Variants in UBR4 observed in about 807,000 individuals in gnomAD.
UBR4 encodes E3 ubiquitin-protein ligase UBR4.
UBR4 carries 124 observed loss-of-function variants against 575.6 expected under a neutral mutation model. The ratio of observed to expected loss-of-function variants is 0.22; its 90% CI spans 0.19 to 0.25. The LOEUF is 0.25. Among genes scored for constraint, UBR4 ranks in the 10% least tolerant of loss-of-function variants. The pLI is 1.00. For missense variants in UBR4, 4,818 were observed against 6,478.8 expected, an observed-to-expected ratio of 0.74 and a Z score of 8.80; for synonymous variants, 2,455 against 2,473.7, an observed-to-expected ratio of 0.99 and a Z score of 0.22.
intron 37 of UBR4, among the ~76,000 whole-genome samples, 179 bp from the exon 38 acceptor site, chr1:19,161,326 C>T (rs2087323333): frequency 6.6e-6 from 1 of 152,240 alleles, no homozygotes; most frequent in African/African-American, 2.4e-5. Flanking sequence ...TCTTTACCCA[C>T]TCACAGTATC....
At chr1:19,154,029 CG>C in intron 44 of UBR4, 90 bp from the exon 45 acceptor site, 1 of 1,433,568 alleles carries the variant, frequency 7.0e-7, no homozygotes, top group Non-Finnish European at 9.5e-7. Context: ...TAACTGGCTA[CG>C]TGACTCCAAA....
At chr1:19,161,560 C>G (rs761574740) in intron 37 of UBR4, 29 bp downstream of exon 37, 52 of 1,561,014 alleles carry the variant, frequency 3.3e-5, no homozygotes, top group Non-Finnish European at 4.4e-5. Context: ...AACAAGCCAC[C>G]CTTTATAGCT....
At chr1:19,113,924 C>T in intron 76 of UBR4, 21 bp downstream of exon 76, 2 of 1,614,204 alleles carry the variant, frequency 1.2e-6, no homozygotes, top group Non-Finnish European at 1.7e-6. Flanking sequence ...TATCCAAATG[C>T]CCTTTGCAGC....
rs754460714 is a variant in UBR4 at position 19,124,501 on chromosome 1, C to A, written c.9588+40G>T. 2.2e-5 allele frequency: 36 copies of A among 1,609,528 alleles called. No individual in the cohort carries two copies. The East Asian group carries it at 7.1e-4, about 32-fold the overall frequency. On this transcript the variant is annotated intron_variant, in intron 65 of 105. Transcript: ENST00000375254. ...CCCACAGAGGTGAATGCAGATGTGT[C>A]CTCAGCCCAACAAGCATGCAGCTTG... is the stretch of plus-strand genomic sequence containing the variant.
At position 19,146,992 on chromosome 1, in the gene UBR4, G is replaced by C. The variant is rs541537239; in HGVS notation, c.7638C>G (p.Ala2546=). ...RSAYHSHKDQ[A]LLSKAVQCLN... ...GACACTGCACAGCTTTGCTCAGCAA[G>C]GCCTGATCCTGTAAAACAACAGGAG... Residue 2546 remains alanine, a synonymous_variant, in exon 52 of 106, where the codon GCC becomes GCG. Coordinates refer to ENST00000375254, the MANE Select transcript of UBR4 (RefSeq NM_020765.3). 52 of 1,598,400 alleles carry C rather than the reference G, an allele frequency of 3.3e-5. No homozygotes were observed. Among genetic ancestry groups the C allele is most frequent in the East Asian group, 4.5e-5 (2 of 44,366 alleles).
At chr1:19,108,938 G>T (rs4912048) in intron 81 of UBR4, among the ~76,000 whole-genome samples, 101,531 of 151,960 alleles carry the variant, frequency 0.67, 34,710 homozygotes, top group East Asian at 0.81. Flanking sequence ...GTGGAAACAA[G>T]GATGGTCATA....
Position 19,093,619 on chromosome 1 carries a change from T to A in UBR4, c.13938-133A>T. The A allele has an allele frequency of 1.0e-6, 1 of 993,356 alleles. No homozygotes were observed. The highest frequency in any genetic ancestry group is 1.5e-6 in the Non-Finnish European group (1 of 685,366). The allele number at this position is 993,356 out of a possible 1,614,324, so 61.5% of individuals were successfully genotyped here. A position where few individuals can be genotyped will look rare whatever the true frequency, so the allele number is the denominator to read the frequency against. Reference sequence around the variant, plus strand: ...TTCCCTAACGTGACACAAAGACCTATCTGCCCCGGCTCCTGCCACTCTCCC... The same window carrying A: ...TTCCCTAACGTGACACAAAGACCTAACTGCCCCGGCTCCTGCCACTCTCCC... On this transcript the variant is annotated intron_variant, in intron 95 of 105. Coordinates refer to ENST00000375254, the MANE Select transcript of UBR4 (RefSeq NM_020765.3). The surrounding 1 kb of genome is among the most constrained non-coding windows in gnomAD (Gnocchi z 4.8).
At chr1:19,197,360 G>A in intron 7 of UBR4, 95 bp from the exon 8 acceptor site, 1 of 1,531,592 alleles carries the variant, frequency 6.5e-7, no homozygotes, top group African/African-American at 1.4e-5. Flanking sequence ...CCGGCACAGT[G>A]GCTCACGCCT....
intron 8 of UBR4, among the ~76,000 whole-genome samples, chr1:19,195,159 G>T (rs933851065): frequency 2.6e-5 from 4 of 151,410 alleles, no homozygotes; most frequent in African/African-American, 9.7e-5. Context: ...CAGCTACAAG[G>T]GAGGCTGAGG....
In UBR4 at chr1:19,161,010, G is replaced by C. The variant is rs1413180109; in HGVS notation, c.5313C>G (p.Thr1771=). 1 of 1,614,016 alleles carries C rather than the reference G, an allele frequency of 6.2e-7. No homozygotes were observed. Among genetic ancestry groups the C allele is most frequent in the Non-Finnish European group, 8.5e-7 (1 of 1,180,028 alleles). The change falls in exon 38 of 106, where the codon ACC becomes ACG. Residue 1771 remains threonine, a synonymous_variant. Transcript: ENST00000375254. ...CGTCAGCAACCTTTCCATCACTGATGGTAACCTTGGCTTTGTCAGCTGGCG... is the reference window on the plus strand; with the variant it reads ...CGTCAGCAACCTTTCCATCACTGATCGTAACCTTGGCTTTGTCAGCTGGCG... ...TSSPADKAKV[T]ISDGKVADEE...
intron 1 of UBR4, among the ~76,000 whole-genome samples, chr1:19,207,052 AG>A (rs1174143804): frequency 2.0e-5 from 3 of 152,250 alleles, no homozygotes; most frequent in African/African-American, 7.2e-5. Context: ...ATATCAAAAA[AG>A]GAAGCAGAGA....
intron 103 of UBR4, chr1:19,080,026 G>A (rs904401361): frequency 6.6e-6 from 1 of 152,210 alleles, no homozygotes; most frequent in Admixed American, 6.5e-5. Context: ...CTAAGTGAGA[G>A]CAAAACAGCT....
At chr1:19,204,532 A>AT (rs879484105) in intron 1 of UBR4, among the ~76,000 whole-genome samples, 2,866 of 150,428 alleles carry the variant, frequency 0.019, 40 homozygotes, top group South Asian at 0.053. Flanking sequence ...ATATATAAAA[A>AT]AAAATATATA....
chr1:19,092,439 G>A (rs538003716), intron 97 of UBR4, among the ~76,000 whole-genome samples: 4 of 151,592 alleles, frequency 2.6e-5, no homozygotes, highest in Non-Finnish European at 2.9e-5. Flanking sequence ...AATGAGCTGC[G>A]GAGTGGAATG....
At position 19,146,806 on chromosome 1, in the gene UBR4, G is replaced by GC. The variant is rs1313301111; in HGVS notation, c.7804+19dup. ...ATATGAAGCAGATCTCAGGACCACG[G>GC]CCACAGAGGCCAAGTTCACCTGTTT... On this transcript the variant is annotated intron_variant, in intron 52 of 105. Transcript: ENST00000375254. 1.9e-6 allele frequency: 3 copies of GC among 1,606,268 alleles called. No individual in the cohort carries two copies. The highest frequency in any genetic ancestry group is 2.6e-6 in the Non-Finnish European group (3 of 1,175,536).
chr1:19,151,707 G>C lies in UBR4; in HGVS notation c.7149C>G (p.Arg2383=). The change falls in exon 48 of 106, where the codon CGC becomes CGG. Residue 2383 remains arginine, a synonymous_variant. Coordinates refer to ENST00000375254, the MANE Select transcript of UBR4 (RefSeq NM_020765.3). ...CTCTGGTGAAGGGGAAGTCAAACCA[G>C]CGTGAGCGACTCAGGTTGAGCTGCA... ...RTMQLNLSRS[R]WFDFPFTREE... 1 of 1,614,186 alleles carries C rather than the reference G, an allele frequency of 6.2e-7. No homozygotes were observed. Among genetic ancestry groups the C allele is most frequent in the Non-Finnish European group, 8.5e-7 (1 of 1,180,010 alleles).
Position 19,192,462 on chromosome 1 carries a change from A to T in UBR4, c.1203+19T>A. On this transcript the variant is annotated intron_variant, in intron 10 of 105. Coordinates refer to ENST00000375254, the MANE Select transcript of UBR4 (RefSeq NM_020765.3). ...GGACAAGATAGGAAGTATGCAGCAG[A>T]GACAGATACGCTTCTTACCTCACCA... is the stretch of plus-strand genomic sequence containing the variant. 1 of 1,614,216 alleles carries T rather than the reference A, an allele frequency of 6.2e-7. No individual in the cohort carries two copies. The highest frequency in any genetic ancestry group is 1.1e-5 in the South Asian group (1 of 91,082).
chr1:19,107,757 C>T (rs2079385901), intron 81 of UBR4, among the ~76,000 whole-genome samples: 1 of 151,850 alleles, frequency 6.6e-6, no homozygotes, highest in Non-Finnish European at 1.5e-5. Context: ...TGCACTCCAG[C>T]CTGGGTGACA....
chr1:19,196,597 A>G (rs2092467481), intron 8 of UBR4, among the ~76,000 whole-genome samples: 1 of 152,212 alleles, frequency 6.6e-6, no homozygotes, highest in Non-Finnish European at 1.5e-5. Context: ...GATCAACAGG[A>G]AAAAAGGGGA....
Sources: allele counts gnomAD v4.1 joint callset (sites outside exome capture counted in the v4.1 genomes callset), GRCh38; gene constraint gnomAD v4.1.1; non-coding constraint Gnocchi (gnomAD v3.1); transcripts MANE v1.5; gene names NCBI Gene and HGNC (gene_info 2026-07-23, HGNC 2026-07-21).